CHAF1A: variants seen among roughly 807,000 people sequenced by gnomAD.
The protein encoded by CHAF1A is CAF-1 subunit A.
CHAF1A carries 5 observed loss-of-function variants against 93.2 expected under a neutral mutation model. That is an observed-to-expected ratio of 0.05 (90% confidence interval 0.03 to 0.11). CHAF1A has a LOEUF of 0.11. Ranked by LOEUF, CHAF1A falls within the 10% of genes least tolerant of loss-of-function variation. The pLI is 1.00. For missense variants in CHAF1A, 1,102 were observed against 1,259.9 expected (o/e 0.87, Z 1.90); for synonymous variants, 504 against 510.3 (o/e 0.99, Z 0.17).
Position 4,405,981 on chromosome 19 carries a change from G to C in CHAF1A, c.103+19G>C. 6.3e-7 allele frequency: 1 copy of C among 1,599,670 alleles called. No individual in the cohort carries two copies. The highest frequency in any genetic ancestry group is 1.1e-5 in the South Asian group (1 of 90,754). On this transcript the variant is annotated intron_variant, in intron 2 of 14. Coordinates refer to ENST00000301280, the MANE Select transcript of CHAF1A (RefSeq NM_005483.3). ...ATACAAGGTAATTATTTGGAAATGG[G>C]TTAAAGAGTTGTTCGTAGTTTATAG...
At chr19:4,445,664 G>A, downstream of CHAF1A, 1 of 1,590,892 alleles carries the variant, frequency 6.3e-7, no homozygotes, top group Non-Finnish European at 8.6e-7. Context: ...CCGAGAGTCG[G>A]CCCTTGCCGC....
chr19:4,435,084 T>A (rs530251895), intron 13 of CHAF1A, among the ~76,000 whole-genome samples: 54 of 134,806 alleles, frequency 4.0e-4, no homozygotes, highest in Admixed American at 6.7e-4. Context: ...TTTCTTTTTT[T>A]TCCTTTTTTT....
chr19:4,443,224 C>G lies in CHAF1A; in HGVS notation c.*199C>G. On this transcript the variant is annotated 3_prime_UTR_variant, in exon 15 of 15. Transcript: ENST00000301280. ...CCCAAGAGCCGCATATGAATCTGCC[C>G]TTTAATAAAGCATTATTGAGATTGC... 1 of 586,018 alleles carries G rather than the reference C, an allele frequency of 1.7e-6. No individual in the cohort carries two copies. Among genetic ancestry groups the G allele is most frequent in the Non-Finnish European group, 3.1e-6 (1 of 320,858 alleles). 36.3% of individuals were successfully genotyped at this position (586,018 alleles called of 1,614,324 possible). A position where few individuals can be genotyped will look rare whatever the true frequency, so the allele number is the denominator to read the frequency against.
At chr19:4,413,049 T>C (rs1973835072) in intron 3 of CHAF1A, among the ~76,000 whole-genome samples, 1 of 152,160 alleles carries the variant, frequency 6.6e-6, no homozygotes, top group Non-Finnish European at 1.5e-5. Context: ...TTTGCTTGCT[T>C]CATAGTTGGT....
chr19:4,408,155 A>G (rs1338270615), intron 2 of CHAF1A, among the ~76,000 whole-genome samples: 4 of 150,120 alleles, frequency 2.7e-5, no homozygotes, highest in Non-Finnish European at 5.9e-5. Flanking sequence ...TATAGATGTA[A>G]GTCAGTGTAC....
In CHAF1A at chr19:4,402,673, C is replaced by CGGCAGCAGA; in HGVS notation, c.-87_-86insAGCAGAGGC. On this transcript the variant is annotated 5_prime_UTR_variant, in exon 1 of 15. Coordinates refer to ENST00000301280, the MANE Select transcript of CHAF1A (RefSeq NM_005483.3). The stretch of plus-strand genomic sequence containing the variant: ...AGCGCGGCGGCCGCGGCGGCAGCAG[C>CGGCAGCAGA]GGCGCGGGCGGGAGGGCGAAGAGCA... The CGGCAGCAGA allele has an allele frequency of 1.1e-6, 1 of 871,708 alleles. No homozygotes were observed. Among genetic ancestry groups the CGGCAGCAGA allele is most frequent in the Non-Finnish European group, 1.5e-6 (1 of 674,234 alleles). The allele number at this position is 871,708 out of a possible 1,614,324, so 54.0% of individuals were successfully genotyped here. A position where few individuals can be genotyped will look rare whatever the true frequency, so the allele number is the denominator to read the frequency against.
downstream of CHAF1A, chr19:4,447,493 GCAGGCCAGCTGCCCCCACCCC>G: frequency 6.3e-7 from 1 of 1,597,118 alleles, no homozygotes; most frequent in Non-Finnish European, 8.6e-7. Context: ...ACCGGCTCCT[GCAGGCCAGCTGCCCCCACCCC>G]CAGCCTGGGC....
At chr19:4,421,999 G>A (rs926957565) in intron 4 of CHAF1A, among the ~76,000 whole-genome samples, 3 of 150,768 alleles carry the variant, frequency 2.0e-5, no homozygotes, top group South Asian at 2.1e-4. Context: ...CCTCCACCAC[G>A]CCTGGCTAAT....
chr19:4,428,180 TG>T (rs1228342307), intron 7 of CHAF1A, among the ~76,000 whole-genome samples: 1 of 132,844 alleles, frequency 7.5e-6, no homozygotes, highest in Admixed American at 7.5e-5. Flanking sequence ...TTAGTAGAGA[TG>T]GGGTTTCACC....
At chr19:4,405,278 C>T (rs1004062350) in intron 1 of CHAF1A, among the ~76,000 whole-genome samples, 1 of 152,104 alleles carries the variant, frequency 6.6e-6, no homozygotes, top group African/African-American at 2.4e-5. Flanking sequence ...TTAAATGCCA[C>T]AAAGAAAATA....
At chr19:4,436,696 G>T (rs1974289474) in intron 13 of CHAF1A, among the ~76,000 whole-genome samples, 1 of 152,140 alleles carries the variant, frequency 6.6e-6, no homozygotes, top group Non-Finnish European at 1.5e-5. Flanking sequence ...GTCTCCTCAT[G>T]CTCCACACAG....
chr19:4,446,520 G>A (rs764632030), downstream of CHAF1A: 5 of 1,610,748 alleles, frequency 3.1e-6, no homozygotes, highest in Admixed American at 1.7e-5. Flanking sequence ...GCTCCCGCTT[G>A]ATCTCCTCTG....
chr19:4,417,839 C>T (rs554367944), intron 3 of CHAF1A, among the ~76,000 whole-genome samples, 181 bp from the exon 4 acceptor site: 1 of 152,090 alleles, frequency 6.6e-6, no homozygotes, highest in Non-Finnish European at 1.5e-5. Flanking sequence ...TATCTGCCTC[C>T]GTAGTCTCTC....
At chr19:4,447,750 C>A, downstream of CHAF1A, 1 of 958,876 alleles carries the variant, frequency 1.0e-6, no homozygotes, top group Non-Finnish European at 1.7e-6. Flanking sequence ...AAGAAGCGGC[C>A]CAGTGACGCG....
At chr19:4,435,773 C>T (rs1023862085) in intron 13 of CHAF1A, among the ~76,000 whole-genome samples, 2 of 152,202 alleles carry the variant, frequency 1.3e-5, no homozygotes, top group African/African-American at 4.8e-5. Flanking sequence ...TACAGGTTTT[C>T]AGAGACTTGG....
chr19:4,409,653 C>T lies in CHAF1A; in HGVS notation c.854C>T (p.Ser285Leu), dbSNP rs759220552. The T allele has an allele frequency of 8.1e-6, 13 of 1,614,148 alleles. No homozygotes were observed. Among genetic ancestry groups the T allele is most frequent in the Middle Eastern group, 3.3e-4 (2 of 6,062 alleles). Residue 285 changes from serine to leucine, a missense_variant, in exon 3 of 15, where the codon TCG becomes TTG. Physicochemically the swap from Ser to Leu is moderately radical, Grantham distance 145 (BLOSUM62 -2). Transcript: ENST00000301280. ...FPEEDSVLSH[S>L]SLSSPSSTSS... ...GAAGAAGACTCTGTACTCAGCCATTCGTCCCTGAGCTCTCCCTCTTCCACC... is the reference window on the plus strand; with the variant it reads ...GAAGAAGACTCTGTACTCAGCCATTTGTCCCTGAGCTCTCCCTCTTCCACC...
At chr19:4,418,108 C>T (rs371806836) in intron 4 of CHAF1A, 32 bp downstream of exon 4, 2 of 1,475,338 alleles carry the variant, frequency 1.4e-6, no homozygotes, top group Non-Finnish European at 1.9e-6. Context: ...AGAAAATTAA[C>T]CTGCTGTGCT....
At chr19:4,448,342 T>G, downstream of CHAF1A, 1 of 1,609,570 alleles carries the variant, frequency 6.2e-7, no homozygotes. Flanking sequence ...CACACCCAGC[T>G]TCACCCGGTC....
intron 3 of CHAF1A, among the ~76,000 whole-genome samples, chr19:4,411,644 C>CATTTTTTTTTTTTTTTTTTGT (rs1973801817): frequency 2.1e-5 from 1 of 48,204 alleles, no homozygotes; most frequent in Non-Finnish European, 4.1e-5. Context: ...TGGTGCAAAT[C>CATTTTTTTTTTTTTTTTTTGT]TTTTTTTTTT....
Sources: allele counts gnomAD v4.1 joint callset (sites outside exome capture counted in the v4.1 genomes callset), GRCh38; gene constraint gnomAD v4.1.1; transcripts MANE v1.5; gene names NCBI Gene and HGNC (gene_info 2026-07-23, HGNC 2026-07-21).